The following THADA variants were observed in gnomAD, a reference collection of about 807,000 sequenced individuals.
THADA encodes THADA armadillo repeat containing.
Under a neutral mutation model 219.8 loss-of-function variants are expected in THADA, and 213 were observed. The observed-to-expected ratio is 0.97, with a 90% CI of 0.87 to 1.09. THADA has a LOEUF of 1.09. Among genes scored for constraint, THADA ranks in the 50% least tolerant of loss-of-function variants. The probability of loss-of-function intolerance (pLI) is 0.00; values close to 1 mark genes in which losing one functional copy is unlikely to be tolerated. For synonymous variants in THADA, 1,018 were observed against 828.9 expected (o/e 1.23, Z -3.92); for missense variants, 2,956 against 2,311.3 (o/e 1.28, Z -5.72).
intron 17 of THADA, among the ~76,000 whole-genome samples, chr2:43,553,894 C>T (rs961306862): frequency 6.6e-6 from 1 of 152,194 alleles, no homozygotes; most frequent in African/African-American, 2.4e-5. Context: ...TTTTAATGTG[C>T]TCATTGTTCA....
At chr2:43,246,092 C>A (rs1043684219) in intron 36 of THADA, among the ~76,000 whole-genome samples, 8 of 152,082 alleles carry the variant, frequency 5.3e-5, no homozygotes, top group Non-Finnish European at 8.8e-5. Context: ...AGGTGCCCAC[C>A]TCCCAGCCTT....
intron 36 of THADA, among the ~76,000 whole-genome samples, chr2:43,247,070 T>C (rs559847949): frequency 7.6e-4 from 116 of 152,292 alleles, no homozygotes; most frequent in African/African-American, 2.6e-3. Flanking sequence ...AAGAGGAGCA[T>C]TTGAGTCTTA....
chr2:43,395,829 G>A (rs1673967570), intron 29 of THADA, among the ~76,000 whole-genome samples: 1 of 152,172 alleles, frequency 6.6e-6, no homozygotes. Flanking sequence ...TTGGCTCACT[G>A]CAACCTCTGC....
chr2:43,337,882 T>G (rs1414422313), intron 30 of THADA, among the ~76,000 whole-genome samples: 1 of 152,298 alleles, frequency 6.6e-6, no homozygotes, highest in African/African-American at 2.4e-5. Context: ...TTTTTTTTCT[T>G]AATTGAAAAA....
intron 31 of THADA, among the ~76,000 whole-genome samples, chr2:43,316,449 C>T (rs948868886): frequency 7.2e-5 from 11 of 152,148 alleles, no homozygotes; most frequent in Non-Finnish European, 1.3e-4. Context: ...ACAGGGGCAA[C>T]CCTAATCAAG....
chr2:43,452,877 G>A (rs192909278), intron 26 of THADA, among the ~76,000 whole-genome samples: 1 of 152,240 alleles, frequency 6.6e-6, no homozygotes, highest in East Asian at 1.9e-4. Flanking sequence ...TTCAAATTAA[G>A]AGACTCTTCC....
chr2:43,573,349 T>C (rs17031066), intron 11 of THADA, among the ~76,000 whole-genome samples: 4,332 of 152,302 alleles, frequency 0.028, 204 homozygotes, highest in African/African-American at 0.098. Flanking sequence ...AGACTATTAC[T>C]TCTCTAAAAG....
chr2:43,527,264 C>T (rs996304383), intron 22 of THADA, among the ~76,000 whole-genome samples: 3 of 152,110 alleles, frequency 2.0e-5, no homozygotes, highest in African/African-American at 7.2e-5. Context: ...GCCATGAACA[C>T]TTAGTCATTA....
chr2:43,499,039 A>G (rs1183002122), intron 24 of THADA, 84 bp from the exon 25 acceptor site: 2 of 1,372,886 alleles, frequency 1.5e-6, no homozygotes, highest in Non-Finnish European at 1.9e-6. Context: ...TACAGCTTCA[A>G]AACAAAAAAT....
At chr2:43,592,073 T>A in intron 2 of THADA, 27 bp from the exon 3 acceptor site, 1 of 1,500,642 alleles carries the variant, frequency 6.7e-7, no homozygotes, top group Non-Finnish European at 8.9e-7. Context: ...AAAAAAAATT[T>A]TCAATGATTT....
At chr2:43,512,565 C>T (rs1012462917) in intron 22 of THADA, among the ~76,000 whole-genome samples, 7 of 152,208 alleles carry the variant, frequency 4.6e-5, no homozygotes, top group Non-Finnish European at 7.3e-5. Context: ...TGCAATGGCG[C>T]GATCTTGCCT....
chr2:43,578,322 T>TC (rs1434688959), intron 9 of THADA, among the ~76,000 whole-genome samples, 191 bp downstream of exon 9: 1 of 148,598 alleles, frequency 6.7e-6, no homozygotes, highest in Non-Finnish European at 1.5e-5. Flanking sequence ...TTCTTTTTTT[T>TC]TTTTTGTAGA....
At chr2:43,241,580 T>G (rs1011912710) in intron 36 of THADA, among the ~76,000 whole-genome samples, 47 of 149,202 alleles carry the variant, frequency 3.2e-4, no homozygotes, top group Admixed American at 2.6e-4. Flanking sequence ...TTAGTACAGC[T>G]CACATGGATT....
At chr2:43,493,795 T>G (rs1687945137) in intron 25 of THADA, among the ~76,000 whole-genome samples, 1 of 152,222 alleles carries the variant, frequency 6.6e-6, no homozygotes, top group African/African-American at 2.4e-5. Flanking sequence ...AAATAATATG[T>G]TAAAGACTAT....
At chr2:43,547,884 C>A (rs1696240144) in intron 20 of THADA, among the ~76,000 whole-genome samples, 1 of 152,230 alleles carries the variant, frequency 6.6e-6, no homozygotes, top group South Asian at 2.1e-4. Context: ...CATTCTGCGT[C>A]CAGCTTTGTT....
chr2:43,444,797 A>C (rs925558954), intron 26 of THADA, among the ~76,000 whole-genome samples: 1 of 152,168 alleles, frequency 6.6e-6, no homozygotes, highest in Non-Finnish European at 1.5e-5. Context: ...CGATCATCTC[A>C]GGAATAGGGA....
At chr2:43,363,028 C>G (rs567689239) in intron 29 of THADA, among the ~76,000 whole-genome samples, 10 of 152,268 alleles carry the variant, frequency 6.6e-5, no homozygotes, top group Non-Finnish European at 1.3e-4. Flanking sequence ...GGCAATAACA[C>G]GCATGGAGCA....
At chr2:43,339,136 C>A (rs1490048912) in intron 30 of THADA, among the ~76,000 whole-genome samples, 2 of 152,114 alleles carry the variant, frequency 1.3e-5, no homozygotes, top group Non-Finnish European at 2.9e-5. Flanking sequence ...TAAGAATAGA[C>A]TTTTACTCTC....
At chr2:43,261,608 A>G (rs528051079) in intron 36 of THADA, among the ~76,000 whole-genome samples, 1 of 147,896 alleles carries the variant, frequency 6.8e-6, no homozygotes, top group South Asian at 2.2e-4. Context: ...TTACAGGTGC[A>G]TGCCACTAAT....
Sources: allele counts gnomAD v4.1 joint callset (sites outside exome capture counted in the v4.1 genomes callset), GRCh38; gene constraint gnomAD v4.1.1; transcripts MANE v1.5; gene names NCBI Gene and HGNC (gene_info 2026-07-23, HGNC 2026-07-21).